The following UGT2A2 variants were observed in gnomAD, a reference collection of about 807,000 sequenced individuals.
The protein encoded by UGT2A2 is UDP glucuronosyltransferase family 2 member A2.
UGT2A2 carries 60 observed loss-of-function variants against 50.7 expected under a neutral mutation model. That is an observed-to-expected ratio of 1.18 (90% CI 0.96 to 1.47). The LOEUF is 1.47. UGT2A2 is among the 40% of genes most tolerant of loss of function. The probability of loss-of-function intolerance (pLI) is 0.00; values close to 1 mark genes in which losing one functional copy is unlikely to be tolerated. For missense variants in UGT2A2, 762 were observed against 634.0 expected, an observed-to-expected ratio of 1.20 and a Z score of -2.17; for synonymous variants, 242 against 214.6, an observed-to-expected ratio of 1.13 and a Z score of -1.11.
intron 1 of UGT2A2, among the ~76,000 whole-genome samples, chr4:69,634,474 A>G (rs551478234): frequency 6.6e-6 from 1 of 152,184 alleles, no homozygotes; most frequent in South Asian, 2.1e-4. Context: ...AAAAGAAACT[A>G]TAGTTGAAAT....
At chr4:69,638,687 G>C (rs537577351) in intron 1 of UGT2A2, among the ~76,000 whole-genome samples, 10 of 152,150 alleles carry the variant, frequency 6.6e-5, no homozygotes, top group African/African-American at 2.4e-4. Flanking sequence ...AAAGTTGTTT[G>C]CATTAAGAGA....
intron 1 of UGT2A2, among the ~76,000 whole-genome samples, chr4:69,632,404 T>G (rs941533899): frequency 2.6e-5 from 4 of 152,076 alleles, no homozygotes; most frequent in Non-Finnish European, 4.4e-5. Context: ...TGAAGTTGAG[T>G]TGCTGATGAT....
intron 1 of UGT2A2, among the ~76,000 whole-genome samples, chr4:69,624,534 T>C (rs1355871849): frequency 6.6e-6 from 1 of 151,460 alleles, no homozygotes; most frequent in African/African-American, 2.4e-5. Context: ...CTCTTTTTTG[T>C]TCTTTTTTTC....
At position 69,633,523 on chromosome 4, in the gene UGT2A2, G is replaced by A. The variant is rs542277012; in HGVS notation, c.742+5376C>T. Among the ~76,000 whole-genome samples the A allele has an allele frequency of 3.3e-5, 5 of 152,230 alleles. No homozygotes were observed. In the South Asian group the frequency reaches 8.3e-4, roughly 25 times the overall value. On this transcript the variant is annotated intron_variant, in intron 1 of 5. Coordinates refer to ENST00000604629, the MANE Select transcript of UGT2A2 (RefSeq NM_001105677.2). Reference sequence around the variant, plus strand: ...TGTTCAAAGCAGTGTTCATCATAAGGTGGCAAAACCAAAATAGCCTAAATT... The same window carrying A: ...TGTTCAAAGCAGTGTTCATCATAAGATGGCAAAACCAAAATAGCCTAAATT...
intron 3 of UGT2A2, 97 bp from the exon 4 acceptor site, chr4:69,595,346 A>T: frequency 1.4e-6 from 2 of 1,403,178 alleles, no homozygotes; most frequent in South Asian, 2.5e-5. Context: ...AGCTACTTGG[A>T]AGACGGGAAT....
chr4:69,618,216 TA>T (rs58770288), intron 1 of UGT2A2, among the ~76,000 whole-genome samples: 1,180 of 111,908 alleles, frequency 0.011, 20 homozygotes, highest in African/African-American at 0.034. Flanking sequence ...TGTGTGTGTG[TA>T]TGTTTGTGTG....
chr4:69,623,865 G>A (rs1720893032), intron 1 of UGT2A2, among the ~76,000 whole-genome samples: 1 of 151,448 alleles, frequency 6.6e-6, no homozygotes, highest in Non-Finnish European at 1.5e-5. Flanking sequence ...TTGAGCAAAA[G>A]CATTTCAGAA....
chr4:69,593,998 T>C lies in UGT2A2; in HGVS notation c.1331+479A>G, dbSNP rs913030691. Reference sequence around the variant, plus strand: ...TTTTGTTTGTTTTTTTTTTTGAGACTGAGTCTTGCTCTTTTGCCCAGGCTG... The same window carrying C: ...TTTTGTTTGTTTTTTTTTTTGAGACCGAGTCTTGCTCTTTTGCCCAGGCTG... On this transcript the variant is annotated intron_variant, in intron 5 of 5. Coordinates refer to ENST00000604629, the MANE Select transcript of UGT2A2 (RefSeq NM_001105677.2). Among the ~76,000 whole-genome samples the C allele has an allele frequency of 8.6e-5, 12 of 139,178 alleles. No individual in the cohort carries two copies. In the Admixed American group the frequency reaches 8.7e-4, roughly 10 times the overall value. 91.3% of individuals were successfully genotyped at this position (139,178 alleles called of 152,430 possible). A position where few individuals can be genotyped will look rare whatever the true frequency, so the allele number is the denominator to read the frequency against.
In UGT2A2 at chr4:69,639,544, A is replaced by G; in HGVS notation, c.97T>C (p.Leu33=). The G allele has an allele frequency of 2.5e-6, 4 of 1,613,176 alleles. No homozygotes were observed. In the Middle Eastern group the frequency reaches 5.0e-4, roughly 200 times the overall value. ...LTEVVLSGNV[L]IWPTDGSHWL... is the part of the protein sequence containing the mutation. ...TGGCTACCATCTGTAGGCCAAATTA[A>G]CACATTCCCACTTAGAACAACTTCA... The change falls in exon 1 of 6, where the codon TTA becomes CTA. Residue 33 remains leucine, a synonymous_variant. Transcript: ENST00000604629.
chr4:69,595,737 T>C (rs1329854040), intron 3 of UGT2A2, among the ~76,000 whole-genome samples: 1 of 152,224 alleles, frequency 6.6e-6, no homozygotes, highest in African/African-American at 2.4e-5. Context: ...ATTTGAATTT[T>C]AATTGTTTTT....
chr4:69,594,511 G>GAA lies in UGT2A2; in HGVS notation c.1296_1297insTT (p.Leu433PhefsTer5), dbSNP rs774684852. ...TTAATGACTGTTCTCAAAGCGCTAA[G>GAA]CAAATCCACACTTGTCATTGTGTTT... On this transcript the variant is annotated frameshift_variant, in exon 5 of 6. Coordinates refer to ENST00000604629, the MANE Select transcript of UGT2A2 (RefSeq NM_001105677.2). LOFTEE classifies it high-confidence loss of function. 11 of 1,614,044 alleles carry GAA rather than the reference G, an allele frequency of 6.8e-6. No homozygotes were observed. Among genetic ancestry groups the GAA allele is most frequent in the Admixed American group, 1.7e-5 (1 of 59,994 alleles).
At chr4:69,605,735 G>A (rs1719568163) in intron 1 of UGT2A2, among the ~76,000 whole-genome samples, 1 of 136,564 alleles carries the variant, frequency 7.3e-6, no homozygotes, top group Non-Finnish European at 1.6e-5. Flanking sequence ...AAATGATAAA[G>A]GGGATATCAC....
chr4:69,609,444 C>A (rs1296865865), intron 1 of UGT2A2, among the ~76,000 whole-genome samples: 4 of 151,928 alleles, frequency 2.6e-5, no homozygotes, highest in Non-Finnish European at 4.4e-5. Flanking sequence ...AAGTGATATA[C>A]CTTGGCCTCC....
At chr4:69,594,068 G>A (rs935834592) in intron 5 of UGT2A2, among the ~76,000 whole-genome samples, 2 of 149,876 alleles carry the variant, frequency 1.3e-5, no homozygotes, top group South Asian at 2.1e-4. Context: ...TCCACCTCCC[G>A]GGTTCACGCC....
At chr4:69,608,453 G>A (rs1644355769) in intron 1 of UGT2A2, among the ~76,000 whole-genome samples, 1 of 151,570 alleles carries the variant, frequency 6.6e-6, no homozygotes, top group Admixed American at 6.6e-5. Flanking sequence ...ATAGCGTTGG[G>A]AAATATACCT....
intron 1 of UGT2A2, among the ~76,000 whole-genome samples, chr4:69,620,208 C>A (rs941047035): frequency 2.0e-5 from 3 of 151,856 alleles, no homozygotes; most frequent in Non-Finnish European, 4.4e-5. Flanking sequence ...GGTTCACACA[C>A]AACATGATTC....
chr4:69,606,879 T>A (rs1381471802), intron 1 of UGT2A2, among the ~76,000 whole-genome samples: 1 of 135,830 alleles, frequency 7.4e-6, no homozygotes, highest in Non-Finnish European at 1.6e-5. Flanking sequence ...CGTAAGGACC[T>A]CTTCAAGAAC....
chr4:69,627,630 G>GA (rs1721164630), intron 1 of UGT2A2, among the ~76,000 whole-genome samples: 2 of 150,724 alleles, frequency 1.3e-5, no homozygotes, highest in Admixed American at 1.3e-4. Flanking sequence ...AAAGAAAAAA[G>GA]AAAATCTCCT....
chr4:69,614,760 T>C (rs1720273690), intron 1 of UGT2A2, among the ~76,000 whole-genome samples: 1 of 152,170 alleles, frequency 6.6e-6, no homozygotes, highest in South Asian at 2.1e-4. Flanking sequence ...TAGGTATCTA[T>C]ATGTAGAACA....
Sources: gnomAD v4.1 joint callset for allele counts (sites outside exome capture counted in the v4.1 genomes callset) on GRCh38, gnomAD v4.1.1 for gene constraint, MANE v1.5 for transcripts, NCBI Gene and HGNC (gene_info 2026-07-23, HGNC 2026-07-21) for gene names.